NAV1: variants seen among roughly 807,000 people sequenced by gnomAD.
NAV1 encodes pore membrane and/or filament interacting like protein 3.
A neutral mutation model predicts 175.2 loss-of-function variants in NAV1; 18 were observed. The observed-to-expected ratio is 0.10, with a 90% CI of 0.07 to 0.15. The LOEUF (loss-of-function observed/expected upper bound fraction) is 0.15, where lower values mean the gene tolerates loss of function less well. NAV1 is among the 10% of genes least tolerant of loss of function. NAV1 has a pLI of 1.00. For synonymous variants in NAV1, 897 were observed against 978.7 expected (o/e 0.92, Z 1.56); for missense variants, 1,731 against 2,436.6 (o/e 0.71, Z 6.10).
At chr1:201,623,729 T>C (rs1290165329) in intron 1 of NAV1, 123 bp downstream of exon 3, 7 of 936,748 alleles carry the variant, frequency 7.5e-6, no homozygotes, top group Non-Finnish European at 8.9e-6. Flanking sequence ...CCCCAGGCGA[T>C]ACAAAAAGAA....
At chr1:201,743,794 G>A (rs1473021552) in intron 3 of NAV1, among the ~76,000 whole-genome samples, 1 of 152,134 alleles carries the variant, frequency 6.6e-6, no homozygotes, top group Non-Finnish European at 1.5e-5. Context: ...TTTCTATTCA[G>A]TCCAAATTAT....
intron 2 of NAV1, among the ~76,000 whole-genome samples, chr1:201,614,277 T>G (rs950647957): frequency 6.6e-6 from 1 of 152,244 alleles, no homozygotes; most frequent in Non-Finnish European, 1.5e-5. Flanking sequence ...GTATATTCAG[T>G]GCATTCCCAA....
intron 2 of NAV1, among the ~76,000 whole-genome samples, chr1:201,634,212 A>G (rs778319694): frequency 6.6e-6 from 1 of 152,246 alleles, no homozygotes; most frequent in African/African-American, 2.4e-5. Context: ...TGTGAGAATT[A>G]AATGCATGGA....
At chr1:201,556,444 G>A (rs1666014918) in intron 1 of NAV1, among the ~76,000 whole-genome samples, 1 of 151,802 alleles carries the variant, frequency 6.6e-6, no homozygotes, top group Non-Finnish European at 1.5e-5. Context: ...AAAAGGTCTG[G>A]TAAGCAAACC....
chr1:201,825,400 T>C (rs1464467175), exon 30 of NAV1: 1 of 152,152 alleles, frequency 6.6e-6, no homozygotes, highest in Non-Finnish European at 1.5e-5. Flanking sequence ...TCTCCTTTAT[T>C]TGAGTTATAA....
intron 1 of NAV1, among the ~76,000 whole-genome samples, chr1:201,652,808 C>T (rs1004410624): frequency 5.3e-5 from 8 of 152,168 alleles, no homozygotes; most frequent in African/African-American, 1.7e-4. Flanking sequence ...TACAGATGCA[C>T]CTCAATTTAT....
intron 2 of NAV1, among the ~76,000 whole-genome samples, chr1:201,597,470 A>G (rs1234915466): frequency 1.3e-5 from 2 of 152,220 alleles, no homozygotes; most frequent in African/African-American, 4.8e-5. Flanking sequence ...TGCAAACTAC[A>G]GACTATCACA....
rs113832250 is a variant in NAV1 at position 201,783,804 on chromosome 1, C to T, written c.2756C>T (p.Thr919Met). 268 of 1,613,982 alleles carry T rather than the reference C, an allele frequency of 1.7e-4. No homozygotes were observed. The highest frequency in any genetic ancestry group is 1.0e-3 in the African/African-American group (77 of 75,030). Residue 919 changes from threonine (T) to methionine (M), a missense_variant, in exon 7 of 30, where the codon ACG (threonine) becomes ATG (methionine). Transcript: ENST00000367296. The stretch of plus-strand genomic sequence containing the variant: ...CCTGCTGCTCCCACAGAAGAAGAGA[C>T]GGAAGAGCTGACTTGGAGTGGAAGC...
chr1:201,689,758 T>C (rs1670827413), intron 1 of NAV1, among the ~76,000 whole-genome samples: 2 of 152,098 alleles, frequency 1.3e-5, no homozygotes, highest in African/African-American at 4.8e-5. Context: ...AACAACAAAA[T>C]CTCAACCTAA....
intron 2 of NAV1, among the ~76,000 whole-genome samples, chr1:201,640,875 T>C (rs949605293): frequency 1.3e-5 from 2 of 152,246 alleles, no homozygotes; most frequent in Non-Finnish European, 2.9e-5. Context: ...GCCCACTGTG[T>C]GCACAGAGCT....
At chr1:201,590,969 G>A (rs534760737) in intron 2 of NAV1, among the ~76,000 whole-genome samples, 4 of 152,048 alleles carry the variant, frequency 2.6e-5, no homozygotes, top group South Asian at 4.2e-4. Context: ...TCATTTTATC[G>A]TTCAGCATAC....
In NAV1 at chr1:201,551,859, C is replaced by T. The variant is rs141338245; in HGVS notation, c.-144+12517C>T. ...CATTAAAACTCCTCTGCTTTTTAGC[C>T]GGTCTGGAGCTAATAAGCCGGCCCC... On this transcript the variant is annotated intron_variant, in intron 1 of 33. Transcript: ENST00000685211. Among the ~76,000 whole-genome samples, 206 of 152,302 alleles carry T rather than the reference C, an allele frequency of 1.4e-3. 1 individual carries two copies. The highest frequency in any genetic ancestry group is 4.8e-3 in the African/African-American group (200 of 41,568).
chr1:201,762,742 A>G (rs552328534), intron 3 of NAV1, among the ~76,000 whole-genome samples: 1 of 152,330 alleles, frequency 6.6e-6, no homozygotes, highest in South Asian at 2.1e-4. Flanking sequence ...ATTGTCAATT[A>G]TCTCTTACTT....
chr1:201,790,531 T>A (rs1558169073), intron 11 of NAV1, 23 bp from the exon 16 acceptor site: 2 of 1,613,772 alleles, frequency 1.2e-6, no homozygotes, highest in African/African-American at 1.3e-5. Flanking sequence ...TCTCTTTCTC[T>A]CCTTCTGTGC....
At chr1:201,596,478 C>T (rs180708669) in intron 2 of NAV1, among the ~76,000 whole-genome samples, 1 of 152,332 alleles carries the variant, frequency 6.6e-6, no homozygotes, top group East Asian at 1.9e-4. Flanking sequence ...AGAACCACAG[C>T]AGCTCATGGG....
At chr1:201,553,979 G>A (rs1222385450) in intron 1 of NAV1, among the ~76,000 whole-genome samples, 3 of 152,154 alleles carry the variant, frequency 2.0e-5, no homozygotes, top group African/African-American at 4.8e-5. Context: ...TAAGCTGGTC[G>A]GTCCTTAGTG....
Position 201,788,477 on chromosome 1 carries a change from C to G in NAV1, c.3005C>G (p.Thr1002Ser). 3 of 1,614,084 alleles carry G rather than the reference C, an allele frequency of 1.9e-6. No homozygotes were observed. Among genetic ancestry groups the G allele is most frequent in the Non-Finnish European group, 1.7e-6 (2 of 1,179,992 alleles). The stretch of plus-strand genomic sequence containing the variant: ...CCCTCTGTCCTTCCAGTGAGTCCCA[C>G]TGCGGCCACCACGCCAAGAATCACC... Residue 1002 changes from threonine (T) to serine (S), a missense_variant, in exon 10 of 30, where the codon ACT (threonine) becomes AGT (serine). Thr to Ser is a moderately conservative substitution (Grantham distance 58, BLOSUM62 1). This residue lies in a region of NAV1 where 634 missense variants were observed against 766.8 expected (regional missense o/e 0.83). Coordinates refer to ENST00000367296, the Ensembl canonical transcript of NAV1. The surrounding 1 kb of genome is among the most constrained non-coding windows in gnomAD (Gnocchi z 5.7).
chr1:201,622,635 A>T (rs950319411), upstream of NAV1, among the ~76,000 whole-genome samples: 4 of 152,166 alleles, frequency 2.6e-5, no homozygotes, highest in Non-Finnish European at 5.9e-5. Context: ...GTGCTTGCAG[A>T]TGAGCCTCAT....
chr1:201,643,785 C>T (rs1668886262), upstream of NAV1, among the ~76,000 whole-genome samples: 1 of 152,104 alleles, frequency 6.6e-6, no homozygotes, highest in Admixed American at 6.6e-5. Flanking sequence ...CTCTCCCTGA[C>T]CCCCAGTTCT....
Sources: gnomAD v4.1 joint callset for allele counts (sites outside exome capture counted in the v4.1 genomes callset) on GRCh38, gnomAD v4.1.1 for gene constraint, gnomAD v4.1.1 regional missense constraint, Gnocchi (gnomAD v3.1) non-coding constraint, MANE v1.5 for transcripts, NCBI Gene and HGNC (gene_info 2026-07-23, HGNC 2026-07-21) for gene names.